Variants in PPIP5K2 observed in about 807,000 individuals in gnomAD.
The protein encoded by PPIP5K2 is inositol hexakisphosphate and diphosphoinositol-pentakisphosphate kinase 2.
Under a neutral mutation model 154.6 loss-of-function variants are expected in PPIP5K2, and 105 were observed. The ratio of observed to expected loss-of-function variants is 0.68; its 90% CI spans 0.58 to 0.80. The LOEUF is 0.80. Ranked by LOEUF, PPIP5K2 falls within the 30% of genes least tolerant of loss-of-function variation. The probability of loss-of-function intolerance (pLI) is 0.00; values close to 1 mark genes in which losing one functional copy is unlikely to be tolerated. For missense variants in PPIP5K2, 992 were observed against 1,504.6 expected, an observed-to-expected ratio of 0.66 and a Z score of 5.64; for synonymous variants, 480 against 490.3, an observed-to-expected ratio of 0.98 and a Z score of 0.28.
At chr5:103,177,816 A>G in intron 22 of PPIP5K2, 42 bp downstream of exon 22, 2 of 1,595,142 alleles carry the variant, frequency 1.3e-6, no homozygotes, top group Non-Finnish European at 1.7e-6. Flanking sequence ...GACATAAATA[A>G]AGAGCTTAAA....
chr5:103,157,996 G>T (rs1437986386), intron 14 of PPIP5K2, among the ~76,000 whole-genome samples, 192 bp from the exon 15 acceptor site: 2 of 152,178 alleles, frequency 1.3e-5, no homozygotes, highest in South Asian at 2.1e-4. Flanking sequence ...TATAGCAAGG[G>T]AGTATTCCTT....
Position 103,186,342 on chromosome 5 carries a change from T to G in PPIP5K2, c.3192T>G (p.Phe1064Leu). ...CAGGGTCTCACTGTGCGGGCCTGTT[T>G]AGCACCTCGGTGCTCGGGGGTTCTT... is the stretch of plus-strand genomic sequence containing the variant. ...PTVGSHCAGL[F>L]STSVLGGSSS... Residue 1064 changes from phenylalanine to leucine, a missense_variant, in exon 27 of 31, where the codon TTT becomes TTG. Around this residue, in one of 9 missense-constraint regions of PPIP5K2, gnomAD observed 204 missense variants for 224.0 expected, o/e 0.91. Coordinates refer to ENST00000358359, the MANE Select transcript of PPIP5K2 (RefSeq NM_001276277.3). 6.2e-7 allele frequency: 1 copy of G among 1,613,900 alleles called. No individual in the cohort carries two copies. Among genetic ancestry groups the G allele is most frequent in the South Asian group, 1.1e-5 (1 of 91,080 alleles).
intron 28 of PPIP5K2, among the ~76,000 whole-genome samples, chr5:103,187,609 G>T (rs1367214446): frequency 6.6e-6 from 1 of 151,994 alleles, no homozygotes; most frequent in Non-Finnish European, 1.5e-5. Context: ...TGACCACAAT[G>T]ATGATGAGTT....
At chr5:103,143,799 G>C (rs75913944) in intron 5 of PPIP5K2, among the ~76,000 whole-genome samples, 36,688 of 151,702 alleles carry the variant, frequency 0.24, 5,037 homozygotes, top group East Asian at 0.44. Flanking sequence ...TGTGATAAAA[G>C]CGCTATATGA....
At chr5:103,143,115 A>G (rs529701359) in intron 5 of PPIP5K2, among the ~76,000 whole-genome samples, 1 of 152,342 alleles carries the variant, frequency 6.6e-6, no homozygotes, top group African/African-American at 2.4e-5. Flanking sequence ...TGTTATTTGT[A>G]AGCCTTATGG....
intron 19 of PPIP5K2, among the ~76,000 whole-genome samples, chr5:103,171,953 C>T (rs1798040802): frequency 6.6e-6 from 1 of 151,408 alleles, no homozygotes; most frequent in Admixed American, 6.6e-5. Context: ...ATTTATTTAA[C>T]CAACTTGTCT....
chr5:103,175,892 A>C (rs891834563), intron 21 of PPIP5K2, among the ~76,000 whole-genome samples: 1 of 152,064 alleles, frequency 6.6e-6, no homozygotes, highest in Non-Finnish European at 1.5e-5. Context: ...AAATAATTAC[A>C]TGTATTTACT....
At chr5:103,135,290 A>T (rs1306823892) in intron 3 of PPIP5K2, among the ~76,000 whole-genome samples, 3 of 152,230 alleles carry the variant, frequency 2.0e-5, no homozygotes, top group African/African-American at 7.2e-5. Flanking sequence ...CCAGAGGCTT[A>T]GAGACGTTAA....
At chr5:103,151,032 A>G (rs1278087580) in intron 8 of PPIP5K2, among the ~76,000 whole-genome samples, 1 of 151,814 alleles carries the variant, frequency 6.6e-6, no homozygotes, top group Non-Finnish European at 1.5e-5. Flanking sequence ...CATCTACTTT[A>G]TGATGAAAGA....
chr5:103,130,107 C>G (rs1446723801), intron 2 of PPIP5K2, among the ~76,000 whole-genome samples: 1 of 152,142 alleles, frequency 6.6e-6, no homozygotes, highest in African/African-American at 2.4e-5. Context: ...GCTTCTGTTA[C>G]CAATGTGAGT....
At chr5:103,130,739 A>G (rs1393589404) in intron 2 of PPIP5K2, among the ~76,000 whole-genome samples, 1 of 152,156 alleles carries the variant, frequency 6.6e-6, no homozygotes, top group African/African-American at 2.4e-5. Flanking sequence ...ACATGAAAGC[A>G]GAGCGTCTCT....
chr5:103,178,683 C>G lies in PPIP5K2; in HGVS notation c.2754+703C>G, dbSNP rs550722125. ...CAGATCAATTTGGAGAAAAATGATA[C>G]TTTTTCAGTATTGGGTCTTCTAGTC... On this transcript the variant is annotated intron_variant, in intron 23 of 30. Transcript: ENST00000358359. Among the ~76,000 whole-genome samples the G allele has an allele frequency of 3.3e-5, 5 of 151,536 alleles. No individual in the cohort carries two copies. The East Asian group carries it at 7.7e-4, about 23-fold the overall frequency.
intron 29 of PPIP5K2, among the ~76,000 whole-genome samples, chr5:103,191,868 T>G (rs1801297296): frequency 6.6e-6 from 1 of 152,036 alleles, no homozygotes; most frequent in Admixed American, 6.6e-5. Context: ...TCTAGTCATA[T>G]CTTAGAAAGT....
At chr5:103,177,004 A>G in intron 21 of PPIP5K2, 3 of 865,522 alleles carry the variant, frequency 3.5e-6, no homozygotes, top group East Asian at 2.9e-5. Context: ...CCTATATTGC[A>G]TACATGAACT....
chr5:103,180,848 C>CAA (rs782295420), intron 24 of PPIP5K2, among the ~76,000 whole-genome samples: 13 of 90,334 alleles, frequency 1.4e-4, no homozygotes, highest in Admixed American at 1.1e-4. Context: ...AGACTCTCCC[C>CAA]AAAAAAAAAA....
chr5:103,139,803 T>A (rs575837564), intron 5 of PPIP5K2, among the ~76,000 whole-genome samples: 4 of 152,120 alleles, frequency 2.6e-5, no homozygotes, highest in Non-Finnish European at 5.9e-5. Flanking sequence ...GGAATCAGAA[T>A]TGTATCATGA....
Position 103,159,278 on chromosome 5 carries a change from C to A in PPIP5K2, c.1870C>A (p.His624Asn). 1 of 1,612,962 alleles carries A rather than the reference C, an allele frequency of 6.2e-7. No individual in the cohort carries two copies. The change falls in exon 17 of 31, where the codon CAT (histidine) becomes AAT (asparagine). Residue 624 changes from histidine to asparagine, a missense_variant. His to Asn is a moderately conservative substitution (Grantham distance 68, BLOSUM62 1). Coordinates refer to ENST00000358359, the MANE Select transcript of PPIP5K2 (RefSeq NM_001276277.3). ...SCQQRVKARL[H>N]EILQKDRDFT... is the part of the protein sequence containing the mutation. ...TCAGCAACGTGTGAAGGCAAGGCTT[C>A]ATGAAATACTTCAGAAAGACAGAGA...
chr5:103,201,754 G>T lies in PPIP5K2; in HGVS notation c.*120G>T. The T allele has an allele frequency of 1.4e-6, 1 of 738,962 alleles. No homozygotes were observed. The highest frequency in any genetic ancestry group is 2.2e-6 in the Non-Finnish European group (1 of 452,206). 45.8% of individuals were successfully genotyped at this position (738,962 alleles called of 1,614,324 possible). On this transcript the variant is annotated 3_prime_UTR_variant, in exon 31 of 31. Coordinates refer to ENST00000358359, the MANE Select transcript of PPIP5K2 (RefSeq NM_001276277.3). ...TAAATCTAAGGTTTTCTTTGTTTAT[G>T]TTCAGGTAAGGAACTGTTGTCATGA...
chr5:103,175,468 C>T (rs541598107), intron 21 of PPIP5K2, among the ~76,000 whole-genome samples: 4 of 152,042 alleles, frequency 2.6e-5, no homozygotes, highest in South Asian at 2.1e-4. Flanking sequence ...TGAAGAGGAG[C>T]GATACATCTC....
Sources: gnomAD v4.1 joint callset for allele counts (sites outside exome capture counted in the v4.1 genomes callset) on GRCh38, gnomAD v4.1.1 for gene constraint, gnomAD v4.1.1 regional missense constraint, MANE v1.5 for transcripts, NCBI Gene and HGNC (gene_info 2026-07-23, HGNC 2026-07-21) for gene names.